The following SLC44A5 variants were observed in gnomAD, a reference collection of about 807,000 sequenced individuals.
SLC44A5 encodes the protein solute carrier family 44 member 5.
SLC44A5 carries 57 observed loss-of-function variants against 101.8 expected under a neutral mutation model. The observed-to-expected ratio is 0.56, with a 90% CI of 0.45 to 0.70. SLC44A5 has a LOEUF of 0.70. Ranked by LOEUF, SLC44A5 falls within the 30% of genes least tolerant of loss-of-function variation. SLC44A5 has a pLI of 0.00. For synonymous variants in SLC44A5, 281 were observed against 290.9 expected, an observed-to-expected ratio of 0.97 and a Z score of 0.35; for missense variants, 737 against 853.1, an observed-to-expected ratio of 0.86 and a Z score of 1.70.
At chr1:75,449,403 C>T (rs762259663) in intron 2 of SLC44A5, among the ~76,000 whole-genome samples, 4 of 152,094 alleles carry the variant, frequency 2.6e-5, no homozygotes, top group Non-Finnish European at 4.4e-5. Context: ...TTTACCCATT[C>T]TCACCTCTAG....
the SLC44A5 span, among the ~76,000 whole-genome samples, chr1:75,698,991 T>A: frequency 6.6e-6 from 1 of 151,952 alleles, no homozygotes; most frequent in South Asian, 2.1e-4. Context: ...CTCCAAGAAA[T>A]ATGGGACTAT....
In SLC44A5 at chr1:75,203,446, AT is replaced by A. The variant is rs1646695775; in HGVS notation, c.*280del. The A allele has an allele frequency of 1.2e-5, 3 of 241,194 alleles. No individual in the cohort carries two copies. The allele number at this position is 241,194 out of a possible 1,614,324, so 14.9% of individuals were successfully genotyped here. A position where few individuals can be genotyped will look rare whatever the true frequency, so the allele number is the denominator to read the frequency against. On this transcript the variant is annotated 3_prime_UTR_variant, in exon 24 of 24. Transcript: ENST00000370859. Reference sequence around the variant, plus strand: ...CTAAGATTTAAAAGAATATTAACATATTCAGTAGTATTTTCAAAACATCCAA... The same window carrying A: ...CTAAGATTTAAAAGAATATTAACATATCAGTAGTATTTTCAAAACATCCAA...
intron 2 of SLC44A5, among the ~76,000 whole-genome samples, chr1:75,480,104 A>G (rs1178074444): frequency 3.9e-5 from 6 of 152,252 alleles, no homozygotes; most frequent in Non-Finnish European, 8.8e-5. Flanking sequence ...CAATATATGC[A>G]AATCAATAAA....
At chr1:75,448,675 C>T (rs1557795047) in intron 2 of SLC44A5, among the ~76,000 whole-genome samples, 1 of 152,120 alleles carries the variant, frequency 6.6e-6, no homozygotes, top group Admixed American at 6.5e-5. Flanking sequence ...ATATGATCAC[C>T]TCTCACCTGT....
At chr1:75,395,498 A>G (rs1242574727) in intron 3 of SLC44A5, among the ~76,000 whole-genome samples, 2 of 152,196 alleles carry the variant, frequency 1.3e-5, no homozygotes, top group Non-Finnish European at 2.9e-5. Flanking sequence ...AAGTAACAAA[A>G]TCTATATGAA....
At chr1:75,672,421 G>A in the SLC44A5 span, among the ~76,000 whole-genome samples, 5 of 152,156 alleles carry the variant, frequency 3.3e-5, no homozygotes, top group South Asian at 8.4e-4. Flanking sequence ...CTAGCCAGAG[G>A]TGAATTATCC....
intron 4 of SLC44A5, among the ~76,000 whole-genome samples, chr1:75,302,965 T>C (rs1426470075): frequency 2.6e-5 from 4 of 152,196 alleles, no homozygotes; most frequent in Non-Finnish European, 5.9e-5. Context: ...TTTCTATAAT[T>C]TTCTATTTCA....
chr1:75,558,286 T>C (rs776439434), intron 1 of SLC44A5, among the ~76,000 whole-genome samples: 6 of 152,148 alleles, frequency 3.9e-5, no homozygotes, highest in Non-Finnish European at 8.8e-5. Flanking sequence ...TTTGATAAAA[T>C]GTAAAACAAA....
At chr1:75,219,147 C>A in intron 16 of SLC44A5, 110 bp downstream of exon 16, 1 of 771,346 alleles carries the variant, frequency 1.3e-6, no homozygotes, top group Non-Finnish European at 2.2e-6. Context: ...TAGTTGTCCC[C>A]ATCAGTGTAT....
the SLC44A5 span, among the ~76,000 whole-genome samples, chr1:75,672,392 GA>G: frequency 3.9e-5 from 6 of 152,080 alleles, no homozygotes; most frequent in Admixed American, 2.6e-4. Context: ...GGCCCACAGA[GA>G]AAGCATTTAG....
the SLC44A5 span, among the ~76,000 whole-genome samples, chr1:75,659,433 G>GAGGGAGGGAAGGAAGGA: frequency 0.017 from 568 of 32,558 alleles, 13 homozygotes; most frequent in South Asian, 0.025. Context: ...GGGTGGGAGG[G>GAGGGAGGGAAGGAAGGA]AGGGAGGGAG....
intron 5 of SLC44A5, among the ~76,000 whole-genome samples, chr1:75,299,475 T>C (rs1654245887): frequency 6.6e-6 from 1 of 152,212 alleles, no homozygotes; most frequent in Non-Finnish European, 1.5e-5. Flanking sequence ...AGTTAGGATA[T>C]AACTTTCTTT....
intron 3 of SLC44A5, among the ~76,000 whole-genome samples, chr1:75,353,623 G>C (rs144442191): frequency 6.6e-6 from 1 of 152,208 alleles, no homozygotes; most frequent in African/African-American, 2.4e-5. Context: ...CACACAGGCT[G>C]ATGCCAGTTA....
intron 4 of SLC44A5, among the ~76,000 whole-genome samples, chr1:75,334,044 A>G (rs74873682): frequency 0.066 from 9,992 of 152,232 alleles, 361 homozygotes; most frequent in Middle Eastern, 0.12. Context: ...CTTACCTGCC[A>G]TCTGCCCAAG....
At chr1:75,574,755 T>A (rs776630720) in intron 1 of SLC44A5, among the ~76,000 whole-genome samples, 1 of 152,176 alleles carries the variant, frequency 6.6e-6, no homozygotes, top group Non-Finnish European at 1.5e-5. Context: ...AAGACCATAT[T>A]GTGGGAATCT....
intron 2 of SLC44A5, among the ~76,000 whole-genome samples, chr1:75,446,926 A>C (rs1019969494): frequency 1.3e-5 from 2 of 152,184 alleles, no homozygotes; most frequent in Non-Finnish European, 2.9e-5. Flanking sequence ...GACAGAGATC[A>C]CTATTTAGAT....
chr1:75,281,385 G>A (rs1413393368), intron 5 of SLC44A5, among the ~76,000 whole-genome samples: 4 of 151,988 alleles, frequency 2.6e-5, no homozygotes, highest in South Asian at 2.1e-4. Flanking sequence ...GCAGCAAAAC[G>A]TTCAAGAGGA....
chr1:75,223,189 CT>C (rs1168529360), intron 13 of SLC44A5, among the ~76,000 whole-genome samples: 1 of 152,104 alleles, frequency 6.6e-6, no homozygotes, highest in East Asian at 1.9e-4. Context: ...ATCTTGGGTT[CT>C]TTTTGGCTTT....
At chr1:75,654,643 A>G in the SLC44A5 span, among the ~76,000 whole-genome samples, 116 of 152,266 alleles carry the variant, frequency 7.6e-4, no homozygotes, top group African/African-American at 2.7e-3. Flanking sequence ...CTCACAAACT[A>G]AACTCGCAGT....
Sources: gnomAD v4.1 joint callset for allele counts (sites outside exome capture counted in the v4.1 genomes callset) on GRCh38, gnomAD v4.1.1 for gene constraint, MANE v1.5 for transcripts, NCBI Gene and HGNC (gene_info 2026-07-23, HGNC 2026-07-21) for gene names.